The following RELN variants were observed in gnomAD, a reference collection of about 807,000 sequenced individuals.
RELN encodes the protein reelin.
RELN carries 108 observed loss-of-function variants against 427.6 expected under a neutral mutation model. The ratio of observed to expected loss-of-function variants is 0.25; its 90% CI spans 0.22 to 0.30. The LOEUF is 0.30. Ranked by LOEUF, RELN falls within the 10% of genes least tolerant of loss-of-function variation. RELN has a pLI of 1.00. For missense variants in RELN, 3,715 were observed against 4,302.8 expected, an observed-to-expected ratio of 0.86 and a Z score of 3.82; for synonymous variants, 1,524 against 1,513.4, an observed-to-expected ratio of 1.01 and a Z score of -0.16.
At chr7:103,955,754 G>A (rs4727581) in intron 1 of RELN, among the ~76,000 whole-genome samples, 1 of 151,954 alleles carries the variant, frequency 6.6e-6, no homozygotes. Flanking sequence ...AACTCCATGT[G>A]AAACAGCAAG....
intron 28 of RELN, among the ~76,000 whole-genome samples, chr7:103,581,005 G>C (rs999205027): frequency 6.6e-6 from 1 of 152,120 alleles, no homozygotes. Context: ...GAGTACAAGG[G>C]GTGCACAGCT....
intron 8 of RELN, among the ~76,000 whole-genome samples, chr7:103,705,766 G>C (rs1449040565): frequency 6.6e-6 from 1 of 152,128 alleles, no homozygotes; most frequent in Non-Finnish European, 1.5e-5. Context: ...GTGGCCTTGG[G>C]CAAGTCACTT....
intron 20 of RELN, among the ~76,000 whole-genome samples, chr7:103,613,362 T>C (rs546427651): frequency 5.8e-4 from 89 of 152,354 alleles, no homozygotes; most frequent in African/African-American, 2.1e-3. Flanking sequence ...TCAGTTACTA[T>C]GCAATGATAC....
At chr7:103,950,663 CCAG>C (rs1257470729) in intron 1 of RELN, among the ~76,000 whole-genome samples, 1 of 152,046 alleles carries the variant, frequency 6.6e-6, no homozygotes, top group Non-Finnish European at 1.5e-5. Context: ...GTGCCTTCTA[CCAG>C]AAGAAAATTC....
intron 4 of RELN, among the ~76,000 whole-genome samples, chr7:103,773,113 TTTCTTTCTTTCTTTCTTTC>T (rs1239165877): frequency 7.4e-4 from 40 of 54,002 alleles, no homozygotes; most frequent in African/African-American, 2.0e-3. Context: ...TCTTTCTTTC[TTTCTTTCTTTCTTTCTTTC>T]TTTCTTTCTT....
At chr7:103,743,781 C>T (rs1463934193) in intron 6 of RELN, among the ~76,000 whole-genome samples, 1 of 152,150 alleles carries the variant, frequency 6.6e-6, no homozygotes, top group Non-Finnish European at 1.5e-5. Flanking sequence ...GAGTGACCTA[C>T]AAAGAGACTT....
rs776469469 is a variant in RELN at position 103,556,937 on chromosome 7, A to T, written c.5797+40T>A. ...TTAGAAACAAATGTGTTAACATGCC[A>T]CTATCAGTTCTGATCACAGGAGAAC... On this transcript the variant is annotated intron_variant, in intron 38 of 64. Coordinates refer to ENST00000428762, the MANE Select transcript of RELN (RefSeq NM_005045.4). The T allele has an allele frequency of 8.7e-6, 13 of 1,500,088 alleles. No individual in the cohort carries two copies. In the African/African-American group the frequency reaches 1.4e-4, roughly 16 times the overall value. The allele number at this position is 1,500,088 out of a possible 1,614,324, so 92.9% of individuals were successfully genotyped here.
intron 29 of RELN, among the ~76,000 whole-genome samples, chr7:103,574,545 C>A (rs551050347): frequency 6.6e-6 from 1 of 152,288 alleles, no homozygotes; most frequent in East Asian, 1.9e-4. Flanking sequence ...ACATTGGGAA[C>A]CATACCTTTT....
chr7:103,919,155 T>TTTGA (rs1554442229), intron 1 of RELN, among the ~76,000 whole-genome samples: 2 of 144,968 alleles, frequency 1.4e-5, no homozygotes, highest in African/African-American at 5.4e-5. Flanking sequence ...TTTTTTTTTT[T>TTTGA]TAGAAAGAGG....
rs10631941 is a variant in RELN, at chr7:103,943,848, CAAAAAAA to C, written c.227-26670_227-26664del. Among the ~76,000 whole-genome samples the C allele has an allele frequency of 1.0e-4, 8 of 76,442 alleles. No individual in the cohort carries two copies. In the East Asian group the frequency reaches 1.4e-3, roughly 13 times the overall value. 50.1% of individuals were successfully genotyped at this position (76,442 alleles called of 152,430 possible). On this transcript the variant is annotated intron_variant, in intron 1 of 64. Transcript: ENST00000428762. ...GGGGAATGGAGCAAGATTCTGTCTC[CAAAAAAA>C]AAAAAAAAAAAAAAGAATTGGAAAT...
chr7:103,898,126 TTAAG>T (rs1290990226), intron 2 of RELN, among the ~76,000 whole-genome samples: 2 of 151,794 alleles, frequency 1.3e-5, no homozygotes, highest in African/African-American at 4.8e-5. Context: ...CTACAGCTTC[TTAAG>T]TAGGTGAGTG....
At chr7:103,575,749 A>C in intron 28 of RELN, 44 bp from the exon 29 acceptor site, 1 of 1,604,802 alleles carries the variant, frequency 6.2e-7, no homozygotes, top group Non-Finnish European at 8.5e-7. Context: ...CCAACATCTC[A>C]TATCAAAGCA....
chr7:103,666,152 C>T (rs138187462), intron 11 of RELN, among the ~76,000 whole-genome samples: 2 of 152,038 alleles, frequency 1.3e-5, no homozygotes, highest in East Asian at 1.9e-4. Flanking sequence ...GTAGCCTTAA[C>T]GTCTTGGGCT....
chr7:103,588,628 GTTA>G (rs1163328201), intron 28 of RELN, among the ~76,000 whole-genome samples: 1 of 152,164 alleles, frequency 6.6e-6, no homozygotes, highest in Non-Finnish European at 1.5e-5. Context: ...GTAAAAGCTA[GTTA>G]TTATTGGTGC....
chr7:103,537,764 A>G (rs1014145896), intron 45 of RELN, among the ~76,000 whole-genome samples: 2 of 152,172 alleles, frequency 1.3e-5, no homozygotes, highest in African/African-American at 2.4e-5. Context: ...GTCTGCTCTC[A>G]GTTTTAGGAG....
intron 1 of RELN, among the ~76,000 whole-genome samples, chr7:103,924,651 C>T (rs1000069302): frequency 2.6e-5 from 4 of 151,992 alleles, no homozygotes; most frequent in African/African-American, 9.7e-5. Flanking sequence ...CTGTGGAACG[C>T]TATTATGATA....
chr7:103,584,490 A>G (rs1584317993), intron 28 of RELN, among the ~76,000 whole-genome samples: 1 of 152,204 alleles, frequency 6.6e-6, no homozygotes. Flanking sequence ...AATGGTAAAG[A>G]GTTCAATTCA....
At chr7:103,764,533 A>C (rs536470975) in intron 4 of RELN, among the ~76,000 whole-genome samples, 1 of 152,054 alleles carries the variant, frequency 6.6e-6, no homozygotes, top group Non-Finnish European at 1.5e-5. Flanking sequence ...TTCAACAGGG[A>C]CAATATAAAA....
chr7:103,550,444 G>A (rs767150726), intron 41 of RELN, among the ~76,000 whole-genome samples: 4 of 152,018 alleles, frequency 2.6e-5, no homozygotes, highest in Non-Finnish European at 1.5e-5. Flanking sequence ...TCCTCTCTTT[G>A]TTCACTTTTA....
Sources: allele counts gnomAD v4.1 joint callset (sites outside exome capture counted in the v4.1 genomes callset), GRCh38; gene constraint gnomAD v4.1.1; transcripts MANE v1.5; gene names NCBI Gene and HGNC (gene_info 2026-07-23, HGNC 2026-07-21).